The following MTUS2 variants were observed in gnomAD, a reference collection of about 807,000 sequenced individuals.
MTUS2 encodes the protein microtubule-associated tumor suppressor candidate 2.
Under a neutral mutation model 114.1 loss-of-function variants are expected in MTUS2, and 40 were observed. The observed-to-expected ratio is 0.35, with a 90% CI of 0.27 to 0.46. MTUS2 has a LOEUF of 0.46. Among genes scored for constraint, MTUS2 ranks in the 20% least tolerant of loss-of-function variants. The probability of loss-of-function intolerance (pLI) is 1.00; values close to 1 mark genes in which losing one functional copy is unlikely to be tolerated. For synonymous variants in MTUS2, 688 were observed against 672.0 expected, an observed-to-expected ratio of 1.02 and a Z score of -0.37; for missense variants, 1,679 against 1,705.4, an observed-to-expected ratio of 0.98 and a Z score of 0.27.
chr13:29,293,811 A>G (rs894373090), intron 6 of MTUS2, among the ~76,000 whole-genome samples: 4 of 152,158 alleles, frequency 2.6e-5, no homozygotes, highest in Non-Finnish European at 5.9e-5. Context: ...CATGTCATTA[A>G]AGGTAGAAAG....
In MTUS2 at chr13:29,148,572, G is replaced by A. The variant is rs1331107856; in HGVS notation, c.2644+47602G>A. Among the ~76,000 whole-genome samples the A allele has an allele frequency of 3.0e-5, 2 of 67,150 alleles. 1 individual carries two copies. The highest frequency in any genetic ancestry group is 8.2e-5 in the Non-Finnish European group (2 of 24,530). 44.1% of individuals were successfully genotyped at this position (67,150 alleles called of 152,430 possible). ...CGGCTCACTGCAAGCTCCGCCTCCCGGGTTCACGCCATTCTCCTGCCTCAG... is the reference window on the plus strand; with the variant it reads ...CGGCTCACTGCAAGCTCCGCCTCCCAGGTTCACGCCATTCTCCTGCCTCAG... On this transcript the variant is annotated intron_variant, in intron 5 of 15. Coordinates refer to ENST00000612955, the MANE Select transcript of MTUS2 (RefSeq NM_001033602.4).
intron 4 of MTUS2, among the ~76,000 whole-genome samples, chr13:29,077,477 G>A (rs1889244626): frequency 6.6e-6 from 1 of 152,094 alleles, no homozygotes; most frequent in Non-Finnish European, 1.5e-5. Context: ...GAAATTATAA[G>A]GAAAACATGG....
chr13:29,179,440 C>A (rs540164714), intron 5 of MTUS2, among the ~76,000 whole-genome samples: 1 of 152,212 alleles, frequency 6.6e-6, no homozygotes, highest in East Asian at 1.9e-4. Context: ...GTTTCGAGGA[C>A]AATGCCATTG....
chr13:28,926,088 A>G (rs963363713), intron 2 of MTUS2, among the ~76,000 whole-genome samples: 1 of 152,138 alleles, frequency 6.6e-6, no homozygotes, highest in Non-Finnish European at 1.5e-5. Flanking sequence ...ATTTAATCCC[A>G]AGGATGGGAA....
chr13:28,968,216 T>G (rs1883689783), intron 2 of MTUS2, among the ~76,000 whole-genome samples: 1 of 152,224 alleles, frequency 6.6e-6, no homozygotes, highest in African/African-American at 2.4e-5. Flanking sequence ...TTTGCATTTT[T>G]TAAATTATTT....
intron 2 of MTUS2, among the ~76,000 whole-genome samples, chr13:29,014,099 C>T (rs1441807261): frequency 6.6e-6 from 1 of 152,146 alleles, no homozygotes; most frequent in Non-Finnish European, 1.5e-5. Context: ...ATCTCAGAGC[C>T]GTTGTGTTGC....
chr13:29,114,597 G>A (rs1231812381), intron 5 of MTUS2, among the ~76,000 whole-genome samples: 1 of 152,208 alleles, frequency 6.6e-6, no homozygotes, highest in African/African-American at 2.4e-5. Context: ...AAAGATGGAG[G>A]AAGTAAGGAA....
At chr13:29,158,845 G>A (rs1354514516) in intron 5 of MTUS2, among the ~76,000 whole-genome samples, 1 of 152,138 alleles carries the variant, frequency 6.6e-6, no homozygotes, top group Non-Finnish European at 1.5e-5. Context: ...GAGAAGGAGC[G>A]GGGATGGAAC....
rs533547504 is a variant in MTUS2, at chr13:28,957,842, T to C, written c.-242-66615T>C. On this transcript the variant is annotated intron_variant, in intron 2 of 15. Coordinates refer to ENST00000612955, the MANE Select transcript of MTUS2 (RefSeq NM_001033602.4). ...TTTCTCTCAGAAGCACAGATGTGCA[T>C]GAACCCTGCAATATGATGCCAGGAA... Among the ~76,000 whole-genome samples the C allele has an allele frequency of 5.0e-3, 766 of 152,364 alleles. 4 individuals carry two copies. The highest frequency in any genetic ancestry group is 8.9e-3 in the South Asian group (43 of 4,830).
At chr13:29,360,897 G>A (rs1870186050) in intron 8 of MTUS2, among the ~76,000 whole-genome samples, 1 of 152,110 alleles carries the variant, frequency 6.6e-6, no homozygotes, top group Non-Finnish European at 1.5e-5. Context: ...CCTGCTCTGG[G>A]ACTCTGCCTT....
intron 4 of MTUS2, among the ~76,000 whole-genome samples, chr13:29,074,529 A>G (rs918250971): frequency 6.6e-6 from 1 of 152,178 alleles, no homozygotes; most frequent in African/African-American, 2.4e-5. Flanking sequence ...TCTCAAACTC[A>G]GCTGAACTGA....
chr13:28,960,294 G>C (rs1030556618), intron 2 of MTUS2, among the ~76,000 whole-genome samples: 1 of 152,164 alleles, frequency 6.6e-6, no homozygotes, highest in Non-Finnish European at 1.5e-5. Flanking sequence ...TTATAAAATG[G>C]TACAAAGAAT....
At chr13:28,922,154 C>T (rs1348754129) in intron 2 of MTUS2, among the ~76,000 whole-genome samples, 1 of 152,184 alleles carries the variant, frequency 6.6e-6, no homozygotes, top group African/African-American at 2.4e-5. Context: ...TGCTCTCTCT[C>T]CTGCTGCCAT....
chr13:29,269,219 C>T (rs187671295), intron 5 of MTUS2, among the ~76,000 whole-genome samples: 5 of 152,286 alleles, frequency 3.3e-5, no homozygotes, highest in Admixed American at 2.6e-4. Flanking sequence ...ATTCATAACT[C>T]AATCTCTTCC....
intron 5 of MTUS2, among the ~76,000 whole-genome samples, chr13:29,113,229 A>T (rs1471171625): frequency 6.6e-6 from 1 of 152,104 alleles, no homozygotes; most frequent in Non-Finnish European, 1.5e-5. Context: ...TTGAAGAGGG[A>T]TGTATGCAGC....
Position 29,505,439 on chromosome 13 carries a change from T to C in MTUS2, c.*2233T>C, listed in dbSNP as rs185507178. On this transcript the variant is annotated 3_prime_UTR_variant, in exon 16 of 16. Transcript: ENST00000612955. ...TTGGGTACTTGAGCTAATTTCCACG[T>C]GGCCCTGGCTTCGTGGTTTGTTTGT... 5.3e-5 allele frequency: 12 copies of C among 225,716 alleles called. No homozygotes were observed. The highest frequency in any genetic ancestry group is 2.5e-4 in the African/African-American group (11 of 43,864). 14.0% of individuals were successfully genotyped at this position (225,716 alleles called of 1,614,324 possible). A position where few individuals can be genotyped will look rare whatever the true frequency, so the allele number is the denominator to read the frequency against.
intron 2 of MTUS2, among the ~76,000 whole-genome samples, chr13:28,947,827 C>G (rs1882612804): frequency 6.6e-6 from 1 of 152,152 alleles, no homozygotes. Flanking sequence ...TGTGTGTATG[C>G]TACTCTTTCT....
chr13:28,931,828 G>A (rs756212385), intron 2 of MTUS2, among the ~76,000 whole-genome samples: 4 of 151,440 alleles, frequency 2.6e-5, no homozygotes, highest in Admixed American at 6.6e-5. Context: ...ATCCCTCCCC[G>A]CCTCCCCACC....
chr13:29,149,838 A>G (rs927095822), intron 5 of MTUS2, among the ~76,000 whole-genome samples: 1 of 151,876 alleles, frequency 6.6e-6, no homozygotes, highest in African/African-American at 2.4e-5. Flanking sequence ...GTGGGGTCTT[A>G]TTTCTGGATC....
Sources: gnomAD v4.1 joint callset for allele counts (sites outside exome capture counted in the v4.1 genomes callset) on GRCh38, gnomAD v4.1.1 for gene constraint, MANE v1.5 for transcripts, NCBI Gene and HGNC (gene_info 2026-07-23, HGNC 2026-07-21) for gene names.